The following STOX1 variants were observed in gnomAD, a reference collection of about 807,000 sequenced individuals.
STOX1 encodes storkhead-box protein 1.
Under a neutral mutation model 74.8 loss-of-function variants are expected in STOX1, and 57 were observed. That is an observed-to-expected ratio of 0.76 (90% CI 0.62 to 0.95). The LOEUF is 0.95. Ranked by LOEUF, STOX1 falls within the 40% of genes least tolerant of loss-of-function variation. The pLI is 0.00. For missense variants in STOX1, 1,010 were observed against 1,117.0 expected, an observed-to-expected ratio of 0.90 and a Z score of 1.37; for synonymous variants, 375 against 401.3, an observed-to-expected ratio of 0.93 and a Z score of 0.78.
intron 1 of STOX1, among the ~76,000 whole-genome samples, chr10:68,873,553 G>T (rs113631322): frequency 9.7e-6 from 1 of 103,414 alleles, no homozygotes; most frequent in Admixed American, 1.1e-4. Flanking sequence ...GAGCCACCGC[G>T]CCTGGCCTTT....
intron 1 of STOX1, among the ~76,000 whole-genome samples, chr10:68,867,089 C>T (rs572435150): frequency 5.7e-4 from 86 of 151,920 alleles, no homozygotes; most frequent in African/African-American, 1.8e-3. Flanking sequence ...GGACTACAGG[C>T]GCCCGCCACC....
At position 68,839,740 on chromosome 10, in the gene STOX1, A is replaced by G. The variant is rs578057335; in HGVS notation, c.310+11807A>G. Among the ~76,000 whole-genome samples, 3 of 152,268 alleles carry G rather than the reference A, an allele frequency of 2.0e-5. No homozygotes were observed. The East Asian group carries it at 5.8e-4, about 29-fold the overall frequency. On this transcript the variant is annotated intron_variant, in intron 1 of 3. Coordinates refer to ENST00000298596, the MANE Select transcript of STOX1 (RefSeq NM_152709.5). ...CCCCATCTCTACTAAAAATACAAAA[A>G]TTAGCCAGGCGTGGTAGTGGGAGCC... is the stretch of plus-strand genomic sequence containing the variant.
chr10:68,856,509 C>T (rs1040101276), intron 1 of STOX1, among the ~76,000 whole-genome samples: 6 of 152,060 alleles, frequency 3.9e-5, no homozygotes, highest in African/African-American at 1.5e-4. Context: ...GGTGCTAGTA[C>T]CTGACACAAC....
intron 1 of STOX1, among the ~76,000 whole-genome samples, chr10:68,881,603 GA>G (rs1297218504): frequency 1.1e-4 from 17 of 152,218 alleles, no homozygotes; most frequent in African/African-American, 3.9e-4. Flanking sequence ...TAGCTAATAT[GA>G]AAAAATAGTT....
chr10:68,844,604 C>G (rs887368147), intron 1 of STOX1, among the ~76,000 whole-genome samples: 1 of 152,000 alleles, frequency 6.6e-6, no homozygotes, highest in Non-Finnish European at 1.5e-5. Flanking sequence ...TCGCCTGTAT[C>G]TTCTTTAATA....
rs1841132334 is a variant in STOX1 at position 68,892,943 on chromosome 10, T to G, written c.*207T>G. ...TTTTTGAAGCTTATTTTACTGTGAG[T>G]TTATTGGGAGTATATAGATTATTTT... On this transcript the variant is annotated 3_prime_UTR_variant, in exon 4 of 4. Coordinates refer to ENST00000298596, the MANE Select transcript of STOX1 (RefSeq NM_152709.5). The G allele has an allele frequency of 2.0e-5, 11 of 552,050 alleles. No individual in the cohort carries two copies. Among genetic ancestry groups the G allele is most frequent in the Non-Finnish European group, 3.5e-5 (11 of 317,196 alleles). The allele number at this position is 552,050 out of a possible 1,614,324, so 34.2% of individuals were successfully genotyped here. A position where few individuals can be genotyped will look rare whatever the true frequency, so the allele number is the denominator to read the frequency against.
In STOX1 at chr10:68,827,596, T is replaced by C; in HGVS notation, c.-28T>C. ...CCGCCGCGCTCGCCGAGGCCCTGCGTTGCGGGCTCCCGGCCGCCGGCGAAA... is the reference window on the plus strand; with the variant it reads ...CCGCCGCGCTCGCCGAGGCCCTGCGCTGCGGGCTCCCGGCCGCCGGCGAAA... On this transcript the variant is annotated 5_prime_UTR_variant, in exon 1 of 4. Transcript: ENST00000298596. The C allele has an allele frequency of 1.8e-6, 2 of 1,132,608 alleles. No individual in the cohort carries two copies. The highest frequency in any genetic ancestry group is 2.2e-6 in the Non-Finnish European group (2 of 924,442). The allele number at this position is 1,132,608 out of a possible 1,614,324, so 70.2% of individuals were successfully genotyped here.
chr10:68,867,542 T>G (rs1840440259), intron 1 of STOX1, among the ~76,000 whole-genome samples: 1 of 152,130 alleles, frequency 6.6e-6, no homozygotes, highest in Non-Finnish European at 1.5e-5. Context: ...ATCCAGAGGG[T>G]CAGGCCATTA....
chr10:68,874,826 G>C (rs966452926), intron 1 of STOX1, among the ~76,000 whole-genome samples: 4 of 152,184 alleles, frequency 2.6e-5, no homozygotes, highest in Non-Finnish European at 5.9e-5. Context: ...ACTGTGCCAG[G>C]CGAGCAGACC....
chr10:68,882,149 A>G (rs754511645), intron 2 of STOX1, 39 bp downstream of exon 2: 12 of 1,589,582 alleles, frequency 7.5e-6, no homozygotes, highest in Non-Finnish European at 1.0e-5. Context: ...ACTTCACTGT[A>G]TGTGTTTGGT....
chr10:68,878,771 C>A (rs994536158), intron 1 of STOX1, among the ~76,000 whole-genome samples: 1 of 152,214 alleles, frequency 6.6e-6, no homozygotes, highest in African/African-American at 2.4e-5. Flanking sequence ...CACCTGGCCC[C>A]TCAACAACCA....
At position 68,860,010 on chromosome 10, in the gene STOX1, G is replaced by A. The variant is rs1166244628; in HGVS notation, c.311-21948G>A. ...GGGCCTTTAAAAAAGTTTCACTGGC[G>A]GCTATGCGTGGTGGCTCATGCCTGT... On this transcript the variant is annotated intron_variant, in intron 1 of 3. Coordinates refer to ENST00000298596, the MANE Select transcript of STOX1 (RefSeq NM_152709.5). 3.3e-5 allele frequency among the ~76,000 whole-genome samples: 5 copies of A among 152,026 alleles called. No homozygotes were observed. In the East Asian group the frequency reaches 5.8e-4, roughly 18 times the overall value.
At chr10:68,843,172 G>A (rs1273132952) in intron 1 of STOX1, among the ~76,000 whole-genome samples, 1 of 152,114 alleles carries the variant, frequency 6.6e-6, no homozygotes, top group East Asian at 1.9e-4. Flanking sequence ...CTGAATAGCT[G>A]GGACTGTAGG....
Position 68,885,050 on chromosome 10 carries a change from G to A in STOX1, c.1254G>A (p.Leu418=). Residue 418 remains leucine (L), a synonymous_variant, in exon 3 of 4, where the codon CTG becomes CTA. Transcript: ENST00000298596. ...AGGGGGTTAAGAAAAGGCAGGGTCT[G>A]TCTGCAAAACCTCAAGGGCAGGGCC... is the stretch of plus-strand genomic sequence containing the variant. The part of the protein sequence containing the change: ...SKEGVKKRQG[L]SAKPQGQGHS... 1 of 1,614,174 alleles carries A rather than the reference G, an allele frequency of 6.2e-7. No homozygotes were observed. The highest frequency in any genetic ancestry group is 8.5e-7 in the Non-Finnish European group (1 of 1,180,028).
chr10:68,860,863 A>G (rs927122798), intron 1 of STOX1, among the ~76,000 whole-genome samples: 4 of 152,002 alleles, frequency 2.6e-5, no homozygotes, highest in Admixed American at 2.0e-4. Flanking sequence ...GGTGAGGAGA[A>G]GGTCATGGGG....
At chr10:68,862,509 T>C (rs935743630) in intron 1 of STOX1, among the ~76,000 whole-genome samples, 1 of 152,122 alleles carries the variant, frequency 6.6e-6, no homozygotes, top group African/African-American at 2.4e-5. Context: ...TAGGATTATA[T>C]TGTGATGGCA....
intron 3 of STOX1, among the ~76,000 whole-genome samples, chr10:68,888,781 A>T (rs191396499): frequency 7.8e-6 from 1 of 128,046 alleles, no homozygotes; most frequent in Non-Finnish European, 1.6e-5. Flanking sequence ...GACTACAGGC[A>T]TATGTCACTA....
chr10:68,857,828 G>A (rs901272939), intron 1 of STOX1, among the ~76,000 whole-genome samples: 2 of 152,060 alleles, frequency 1.3e-5, no homozygotes, highest in African/African-American at 4.8e-5. Context: ...AAGGGAGGAG[G>A]TGGCCTGGGC....
chr10:68,853,274 G>C (rs1362425725), intron 1 of STOX1, among the ~76,000 whole-genome samples: 2 of 152,064 alleles, frequency 1.3e-5, no homozygotes, highest in Admixed American at 6.6e-5. Context: ...CAATCCGCTG[G>C]GTTCGCCTTA....
Sources: allele counts gnomAD v4.1 joint callset (sites outside exome capture counted in the v4.1 genomes callset), GRCh38; gene constraint gnomAD v4.1.1; transcripts MANE v1.5; gene names NCBI Gene and HGNC (gene_info 2026-07-23, HGNC 2026-07-21).